CCDC149: variants seen among roughly 807,000 people sequenced by gnomAD.
CCDC149 encodes coiled-coil domain-containing protein 149.
In CCDC149, 45 loss-of-function variants were observed where a neutral mutation model predicts 59.9. The observed-to-expected ratio is 0.75, with a 90% confidence interval of 0.59 to 0.96. The LOEUF (loss-of-function observed/expected upper bound fraction) is 0.96. CCDC149 is among the 40% of genes least tolerant of loss of function. The probability of loss-of-function intolerance (pLI) is 0.00; values close to 1 mark genes in which losing one functional copy is unlikely to be tolerated. For synonymous variants in CCDC149, 245 were observed against 260.6 expected (o/e 0.94, Z 0.58); for missense variants, 584 against 664.7 (o/e 0.88, Z 1.33).
rs1477364516 is a variant in CCDC149 at position 24,807,942 on chromosome 4, A to G, written c.*447T>C. ...CTCTGGACACGTTTTGCTCAATTAT[A>G]CCTTCCTCTCCAGCTGCCTAACCTT... On this transcript the variant is annotated 3_prime_UTR_variant, in exon 13 of 13. Transcript: ENST00000635206. 9 of 152,862 alleles carry G rather than the reference A, an allele frequency of 5.9e-5. No individual in the cohort carries two copies. The highest frequency in any genetic ancestry group is 3.3e-4 in the Admixed American group (5 of 15,342). The allele number at this position is 152,862 out of a possible 1,614,324, so 9.5% of individuals were successfully genotyped here.
At chr4:24,964,740 C>A (rs563153606) in intron 1 of CCDC149, among the ~76,000 whole-genome samples, 1 of 152,256 alleles carries the variant, frequency 6.6e-6, no homozygotes, top group Admixed American at 6.5e-5. Flanking sequence ...CTAAGGGAAT[C>A]CCAAATACAA....
intron 1 of CCDC149, among the ~76,000 whole-genome samples, chr4:24,907,543 T>C (rs181898626): frequency 6.6e-6 from 1 of 152,272 alleles, no homozygotes; most frequent in East Asian, 1.9e-4. Flanking sequence ...CAGGATCTGC[T>C]AGAGAAGGGT....
chr4:24,817,593 T>C (rs1234936074), intron 12 of CCDC149, among the ~76,000 whole-genome samples: 4 of 152,114 alleles, frequency 2.6e-5, no homozygotes, highest in African/African-American at 9.6e-5. Context: ...TTATGAGTGA[T>C]TTAAAGCAAC....
intron 1 of CCDC149, among the ~76,000 whole-genome samples, chr4:24,885,830 C>G (rs1201124565): frequency 6.6e-6 from 1 of 152,180 alleles, no homozygotes; most frequent in Non-Finnish European, 1.5e-5. Context: ...GAAGAGGGGA[C>G]AGAGAAATGA....
chr4:24,971,632 G>T (rs555783918), intron 1 of CCDC149, among the ~76,000 whole-genome samples: 1 of 152,132 alleles, frequency 6.6e-6, no homozygotes, highest in Non-Finnish European at 1.5e-5. Flanking sequence ...ATGATTCCTC[G>T]AATGTTTTCC....
intron 1 of CCDC149, among the ~76,000 whole-genome samples, chr4:24,896,938 C>T (rs1436175733): frequency 6.6e-6 from 1 of 152,148 alleles, no homozygotes; most frequent in African/African-American, 2.4e-5. Flanking sequence ...TGAGGTTTGT[C>T]ATCTCTTTTA....
chr4:24,947,824 A>ATTT (rs11373089), intron 1 of CCDC149, among the ~76,000 whole-genome samples: 5 of 149,576 alleles, frequency 3.3e-5, no homozygotes, highest in East Asian at 2.0e-4. Context: ...AAGAAGGAGG[A>ATTT]TTTTTTTTTT....
intron 1 of CCDC149, among the ~76,000 whole-genome samples, chr4:24,908,970 A>C: frequency 6.6e-6 from 1 of 152,236 alleles, no homozygotes; most frequent in Non-Finnish European, 1.5e-5. Context: ...TCCAATCTTG[A>C]AAGCTCACCT....
At chr4:24,892,097 A>G (rs576739643) in intron 1 of CCDC149, among the ~76,000 whole-genome samples, 21 of 152,346 alleles carry the variant, frequency 1.4e-4, no homozygotes, top group African/African-American at 5.1e-4. Flanking sequence ...CAGGCTGACC[A>G]TTCCAAAAGG....
chr4:24,969,296 A>G (rs1226806943), intron 1 of CCDC149, among the ~76,000 whole-genome samples: 1 of 152,322 alleles, frequency 6.6e-6, no homozygotes, highest in South Asian at 2.1e-4. Context: ...ACAGCTGTGG[A>G]CACAGGCCTG....
intron 3 of CCDC149, among the ~76,000 whole-genome samples, chr4:24,863,273 CAG>C (rs1466600936): frequency 2.0e-5 from 3 of 152,182 alleles, no homozygotes; most frequent in African/African-American, 7.2e-5. Context: ...GCCTGGGCGA[CAG>C]AGCAAGACGT....
intron 1 of CCDC149, among the ~76,000 whole-genome samples, chr4:24,946,867 T>C (rs1425088625): frequency 1.3e-5 from 2 of 152,176 alleles, no homozygotes; most frequent in Non-Finnish European, 2.9e-5. Flanking sequence ...TAATACACAA[T>C]TACTTGTGGT....
chr4:24,866,204 T>C (rs939198738), intron 3 of CCDC149, among the ~76,000 whole-genome samples: 2 of 152,182 alleles, frequency 1.3e-5, no homozygotes, highest in Non-Finnish European at 2.9e-5. Context: ...GTTGTCATCT[T>C]GGTGCGTGTC....
At position 24,808,813 on chromosome 4, in the gene CCDC149, G is replaced by A; in HGVS notation, c.1199C>T (p.Ala400Val). 1.9e-6 allele frequency: 3 copies of A among 1,547,480 alleles called. No homozygotes were observed. Among genetic ancestry groups the A allele is most frequent in the South Asian group, 1.2e-5 (1 of 83,518 alleles). Reference sequence around the variant, plus strand: ...ACTTTCATCTTCTTCTTGCTTCTGAGCCTCCCCTGAAAACAGAACGAGGAC... The same window carrying A: ...ACTTTCATCTTCTTCTTGCTTCTGAACCTCCCCTGAAAACAGAACGAGGAC... The change falls in exon 13 of 13, where the codon GCT becomes GTT. Residue 400 changes from alanine (A) to valine (V), a missense_variant. Physicochemically the swap from Ala to Val is moderately conservative, Grantham distance 64. Coordinates refer to ENST00000635206, the MANE Select transcript of CCDC149 (RefSeq NM_001330643.2).
At chr4:24,965,869 C>T (rs1203710998) in intron 1 of CCDC149, among the ~76,000 whole-genome samples, 6 of 152,216 alleles carry the variant, frequency 3.9e-5, no homozygotes, top group African/African-American at 1.2e-4. Flanking sequence ...AAACCCCGCA[C>T]GTTATGTAAC....
intron 4 of CCDC149, among the ~76,000 whole-genome samples, chr4:24,838,924 G>A (rs1332461489): frequency 6.6e-6 from 1 of 151,850 alleles, no homozygotes; most frequent in Non-Finnish European, 1.5e-5. Flanking sequence ...CAGATAACAA[G>A]TCTATGATGC....
chr4:24,949,571 G>A (rs750043109), intron 1 of CCDC149, among the ~76,000 whole-genome samples: 1 of 152,226 alleles, frequency 6.6e-6, no homozygotes, highest in Non-Finnish European at 1.5e-5. Flanking sequence ...GCTAGGTTCT[G>A]AGGTTAAGGG....
At chr4:24,882,951 G>C (rs1407703921) in intron 1 of CCDC149, among the ~76,000 whole-genome samples, 1 of 152,136 alleles carries the variant, frequency 6.6e-6, no homozygotes, top group Non-Finnish European at 1.5e-5. Flanking sequence ...CATAGGCCAA[G>C]AAAAACTAAA....
Position 24,879,684 on chromosome 4 carries a change from C to CA in CCDC149, c.64-2988dup, listed in dbSNP as rs34829658. Among the ~76,000 whole-genome samples, 2,258 of 130,344 alleles carry CA rather than the reference C, an allele frequency of 0.017. 116 individuals carry two copies. The East Asian group carries it at 0.2, about 11-fold the overall frequency. 85.5% of individuals were successfully genotyped at this position (130,344 alleles called of 152,430 possible). On this transcript the variant is annotated intron_variant, in intron 1 of 12. Transcript: ENST00000635206. ...TGGGTGACAGCATAAGACTCCATCT[C>CA]AAAAAAAAAAAAAAGAAAGAAAAAG...
Sources: allele counts gnomAD v4.1 joint callset (sites outside exome capture counted in the v4.1 genomes callset), GRCh38; gene constraint gnomAD v4.1.1; transcripts MANE v1.5; gene names NCBI Gene and HGNC (gene_info 2026-07-23, HGNC 2026-07-21).